The following PCDH11X variants were observed in gnomAD, a reference collection of about 807,000 sequenced individuals.
The protein encoded by PCDH11X is protocadherin 11 X-linked.
PCDH11X carries 18 observed loss-of-function variants against 53.3 expected under a neutral mutation model. That is an observed-to-expected ratio of 0.34 (90% confidence interval 0.23 to 0.50). PCDH11X has a LOEUF of 0.50. Among genes scored for constraint, PCDH11X ranks in the 20% least tolerant of loss-of-function variants. The pLI is 0.98. For missense variants in PCDH11X, 570 were observed against 1,032.4 expected, an observed-to-expected ratio of 0.55 and a Z score of 6.14; for synonymous variants, 279 against 393.3, an observed-to-expected ratio of 0.71 and a Z score of 3.44.
At chrX:91,912,313 TTGAA>T (rs1209326313) in intron 6 of PCDH11X, among the ~76,000 whole-genome samples, 1 of 111,691 alleles carries the variant, frequency 9.0e-6, no homozygotes, top group Non-Finnish European at 1.9e-5. Context: ...CAGTACTATA[TTGAA>T]TAATAATGGT....
At chrX:92,117,315 A>G (rs1323437905) in intron 6 of PCDH11X, among the ~76,000 whole-genome samples, 1 of 109,482 alleles carries the variant, frequency 9.1e-6, no homozygotes, top group Non-Finnish European at 1.9e-5. Flanking sequence ...GGACACCTAT[A>G]ATCCCAGCTA....
At chrX:92,460,552 G>A in intron 9 of PCDH11X, 6 of 763,510 alleles carry the variant, frequency 7.9e-6, no homozygotes, top group Admixed American at 2.3e-5. Context: ...CGCTCACAGA[G>A]CTGAGACGTA....
At chrX:92,395,966 C>T (rs2071236245) in intron 9 of PCDH11X, among the ~76,000 whole-genome samples, 1 of 108,848 alleles carries the variant, frequency 9.2e-6, no homozygotes. Flanking sequence ...AAAAAGGTTC[C>T]CATTTTAAAA....
intron 6 of PCDH11X, among the ~76,000 whole-genome samples, chrX:91,954,223 T>C (rs955864938): frequency 1.8e-5 from 2 of 110,763 alleles, no homozygotes; most frequent in Admixed American, 9.7e-5. Context: ...TGGTGTTTGA[T>C]TTTCTGTTCC....
chrX:92,334,900 G>A (rs1420740269), intron 8 of PCDH11X, among the ~76,000 whole-genome samples: 10 of 109,673 alleles, frequency 9.1e-5, no homozygotes, highest in Non-Finnish European at 1.1e-4. Context: ...TTATGTTATC[G>A]GTAAGGCTTT....
chrX:92,290,349 G>C (rs975520402), intron 8 of PCDH11X, among the ~76,000 whole-genome samples: 2 of 111,283 alleles, frequency 1.8e-5, no homozygotes, highest in Admixed American at 9.6e-5. Context: ...CATCGTTAAA[G>C]CCATTCAATG....
intron 8 of PCDH11X, among the ~76,000 whole-genome samples, chrX:92,304,078 C>T (rs1042763901): frequency 1.9e-5 from 2 of 106,226 alleles, no homozygotes; most frequent in African/African-American, 6.9e-5. Context: ...TGTTTTATTC[C>T]TGTGTTATGT....
intron 10 of PCDH11X, among the ~76,000 whole-genome samples, chrX:92,482,843 T>G (rs1433631623): frequency 9.0e-6 from 1 of 110,752 alleles, no homozygotes; most frequent in East Asian, 2.8e-4. Flanking sequence ...GTAGACTCCT[T>G]ATAAATAGTT....
chrX:91,946,113 T>C (rs1462394838), intron 6 of PCDH11X, among the ~76,000 whole-genome samples: 1 of 109,660 alleles, frequency 9.1e-6, no homozygotes, highest in Non-Finnish European at 1.9e-5. Context: ...AGGATGTGTT[T>C]GGGGTATTTT....
At chrX:91,930,792 A>G (rs1246110104) in intron 6 of PCDH11X, among the ~76,000 whole-genome samples, 2 of 103,960 alleles carry the variant, frequency 1.9e-5, no homozygotes, top group Non-Finnish European at 3.9e-5. Context: ...TTGGCCCTTG[A>G]TGCTGGAACC....
intron 1 of PCDH11X, among the ~76,000 whole-genome samples, chrX:91,807,319 G>A (rs1367764066): frequency 9.1e-6 from 1 of 110,329 alleles, no homozygotes; most frequent in Non-Finnish European, 1.9e-5. Flanking sequence ...CACTTCAACC[G>A]GGGTGACAAA....
chrX:92,552,436 C>A (rs748435156), intron 10 of PCDH11X, among the ~76,000 whole-genome samples: 9 of 105,122 alleles, frequency 8.6e-5, no homozygotes, highest in African/African-American at 2.8e-4. Context: ...CAGTTTCGTT[C>A]GTGCAGTCTT....
At chrX:92,304,737 A>G (rs2068791169) in intron 8 of PCDH11X, among the ~76,000 whole-genome samples, 1 of 111,476 alleles carries the variant, frequency 9.0e-6, no homozygotes, top group African/African-American at 3.3e-5. Flanking sequence ...TATGTTCTAA[A>G]CTCTTTCTAG....
chrX:92,072,637 T>A (rs2063720357), intron 6 of PCDH11X, among the ~76,000 whole-genome samples: 1 of 111,877 alleles, frequency 8.9e-6, no homozygotes, highest in Admixed American at 9.5e-5. Context: ...CAGTGCCCTG[T>A]CCTACTGTGG....
At chrX:91,782,079 G>A (rs1380670114) in intron 1 of PCDH11X, among the ~76,000 whole-genome samples, 3 of 110,098 alleles carry the variant, frequency 2.7e-5, no homozygotes, top group African/African-American at 6.6e-5. Flanking sequence ...GCCGAGCGGC[G>A]AGTCCGACCC....
At chrX:92,391,955 C>T (rs1004445751) in intron 9 of PCDH11X, among the ~76,000 whole-genome samples, 15 of 110,812 alleles carry the variant, frequency 1.4e-4, no homozygotes, top group African/African-American at 4.6e-4. Context: ...GAAAAATCCC[C>T]CTAAAATGAA....
intron 6 of PCDH11X, among the ~76,000 whole-genome samples, chrX:92,139,069 T>TTG (rs2065130703): frequency 9.3e-6 from 1 of 107,321 alleles, no homozygotes; most frequent in South Asian, 4.1e-4. Flanking sequence ...TGAAATTGCA[T>TTG]TTACATATAG....
intron 6 of PCDH11X, among the ~76,000 whole-genome samples, chrX:91,979,082 G>A (rs993596646): frequency 9.0e-6 from 1 of 111,256 alleles, no homozygotes; most frequent in Non-Finnish European, 1.9e-5. Context: ...AATGGTGTTC[G>A]AGATAAAATT....
At chrX:91,825,399 C>T (rs780811905) in intron 4 of PCDH11X, among the ~76,000 whole-genome samples, 13 of 111,961 alleles carry the variant, frequency 1.2e-4, no homozygotes, top group Non-Finnish European at 2.3e-4. Context: ...TTAAGCCCGT[C>T]GGAAAAGCAC....
Sources: allele counts gnomAD v4.1 joint callset (sites outside exome capture counted in the v4.1 genomes callset), GRCh38; gene constraint gnomAD v4.1.1; transcripts MANE v1.5; gene names NCBI Gene and HGNC (gene_info 2026-07-23, HGNC 2026-07-21).